RFX6: variants seen among roughly 807,000 people sequenced by gnomAD.
RFX6 encodes the protein DNA-binding protein RFX6.
A neutral mutation model predicts 110.8 loss-of-function variants in RFX6; 50 were observed. The ratio of observed to expected loss-of-function variants is 0.45; its 90% confidence interval spans 0.36 to 0.57. RFX6 has a LOEUF of 0.57. Ranked by LOEUF, RFX6 falls within the 20% of genes least tolerant of loss-of-function variation. RFX6 has a pLI of 0.00. For missense variants in RFX6, 990 were observed against 1,127.0 expected (o/e 0.88, Z 1.74); for synonymous variants, 383 against 411.2 (o/e 0.93, Z 0.83).
intron 1 of RFX6, 108 bp from the exon 2 acceptor site, chr6:116,877,688 C>T: frequency 8.9e-7 from 1 of 1,123,354 alleles, no homozygotes. Flanking sequence ...TTCCTCCCCT[C>T]CGCCCCCACC....
chr6:116,931,657 T>C lies in RFX6; in HGVS notation c.*151T>C, dbSNP rs1775888605. On this transcript the variant is annotated 3_prime_UTR_variant, in exon 19 of 19. Coordinates refer to ENST00000332958, the MANE Select transcript of RFX6 (RefSeq NM_173560.4). The stretch of plus-strand genomic sequence containing the variant: ...GTCACTGGTACTATGGACAACTCCA[T>C]AGTGAATGGAGATACTTGCAGAGCT... 4.8e-6 allele frequency: 3 copies of C among 622,594 alleles called. No homozygotes were observed. Among genetic ancestry groups the C allele is most frequent in the East Asian group, 2.8e-5 (1 of 36,354 alleles). The allele number at this position is 622,594 out of a possible 1,614,324, so 38.6% of individuals were successfully genotyped here. A position where few individuals can be genotyped will look rare whatever the true frequency, so the allele number is the denominator to read the frequency against.
intron 4 of RFX6, among the ~76,000 whole-genome samples, chr6:116,887,693 T>G (rs1469072378): frequency 2.6e-5 from 4 of 152,206 alleles, no homozygotes; most frequent in Non-Finnish European, 5.9e-5. Flanking sequence ...GTACAAAGCG[T>G]GATGCTAAAG....
At chr6:116,931,050 G>A (rs1241748266) in intron 18 of RFX6, among the ~76,000 whole-genome samples, 1 of 152,100 alleles carries the variant, frequency 6.6e-6, no homozygotes, top group East Asian at 1.9e-4. Flanking sequence ...AAGTGCAGAT[G>A]GAAAGAGGAG....
intron 18 of RFX6, among the ~76,000 whole-genome samples, chr6:116,929,352 G>C (rs610979): frequency 0.24 from 36,965 of 151,940 alleles, 4,886 homozygotes; most frequent in South Asian, 0.42. Context: ...GTAGTGCCAA[G>C]AGATATCTTT....
intron 6 of RFX6, among the ~76,000 whole-genome samples, chr6:116,906,477 C>G (rs1775204544): frequency 6.6e-6 from 1 of 152,050 alleles, no homozygotes; most frequent in African/African-American, 2.4e-5. Context: ...AATATTAATT[C>G]TTCTAATCCA....
Position 116,925,599 on chromosome 6 carries a change from G to C in RFX6, c.1825G>C (p.Gly609Arg), listed in dbSNP as rs772531389. 1 of 1,614,112 alleles carries C rather than the reference G, an allele frequency of 6.2e-7. No individual in the cohort carries two copies. Among genetic ancestry groups the C allele is most frequent in the Non-Finnish European group, 8.5e-7 (1 of 1,179,962 alleles). Residue 609 changes from glycine (G) to arginine (R), a missense_variant, in exon 16 of 19, where the codon GGC (glycine) becomes CGC (arginine). Around this residue, in one of 5 missense-constraint regions of RFX6, gnomAD observed 438 missense variants for 441.9 expected, o/e 0.99. Transcript: ENST00000332958. Reference protein sequence around the residue: ...YLPLPSSQPGGLGPALHQFPA... With the variant: ...YLPLPSSQPGRLGPALHQFPA... ...CCCTCTGCCATCCAGTCAACCTGGA[G>C]GCCTAGGCCCTGCTCTGCACCAGTT... is the stretch of plus-strand genomic sequence containing the variant.
At chr6:116,888,959 G>T (rs9489058) in intron 4 of RFX6, among the ~76,000 whole-genome samples, 3,680 of 152,148 alleles carry the variant, frequency 0.024, 143 homozygotes, top group African/African-American at 0.084. Flanking sequence ...TGTTCTCAGA[G>T]ACTCTAAATC....
rs1325886876 is a variant in RFX6, at chr6:116,925,613, T to G, written c.1839T>G (p.Ala613=). The stretch of plus-strand genomic sequence containing the variant: ...GTCAACCTGGAGGCCTAGGCCCTGC[T>G]CTGCACCAGTTCCCTGCTGGGAACA... ...PSSQPGGLGP[A]LHQFPAGNTD... is the part of the protein sequence containing the mutation. Residue 613 remains alanine, a synonymous_variant, in exon 16 of 19, where the codon GCT becomes GCG. Transcript: ENST00000332958. 1.9e-6 allele frequency: 3 copies of G among 1,613,968 alleles called. No individual in the cohort carries two copies. The highest frequency in any genetic ancestry group is 2.5e-6 in the Non-Finnish European group (3 of 1,179,944).
At chr6:116,883,353 T>C (rs1774632626) in intron 4 of RFX6, among the ~76,000 whole-genome samples, 1 of 152,120 alleles carries the variant, frequency 6.6e-6, no homozygotes, top group African/African-American at 2.4e-5. Flanking sequence ...TAGGCCCTCT[T>C]CCCTCTTCTA....
chr6:116,923,610 A>C (rs985737562), intron 14 of RFX6: 2 of 212,112 alleles, frequency 9.4e-6, no homozygotes, highest in Admixed American at 1.1e-4. Context: ...TTGTTAAACA[A>C]ATGATAATTA....
intron 2 of RFX6, among the ~76,000 whole-genome samples, chr6:116,880,032 A>G (rs1774553563): frequency 6.6e-6 from 1 of 152,080 alleles, no homozygotes. Flanking sequence ...TTTCAGACTT[A>G]AGTAAAATGA....
At position 116,931,463 on chromosome 6, in the gene RFX6, C is replaced by T. The variant is rs1775883231; in HGVS notation, c.2744C>T (p.Pro915Leu). 5 of 1,613,522 alleles carry T rather than the reference C, an allele frequency of 3.1e-6. No homozygotes were observed. In the East Asian group the frequency reaches 1.1e-4, roughly 36 times the overall value. ...AGAGAAATGGTGTCCTCTTTACCACCTATCAACACTGTGTTCATGGGAACA... is the reference window on the plus strand; with the variant it reads ...AGAGAAATGGTGTCCTCTTTACCACTTATCAACACTGTGTTCATGGGAACA... ...SSREMVSSLP[P>L]INTVFMGTAA... Residue 915 changes from proline (P) to leucine (L), a missense_variant, in exon 19 of 19, where the codon CCT becomes CTT. This residue lies in a region of RFX6 where 438 missense variants were observed against 441.9 expected (regional missense o/e 0.99). Transcript: ENST00000332958.
chr6:116,878,166 C>T (rs1279837073), intron 2 of RFX6, among the ~76,000 whole-genome samples: 1 of 152,138 alleles, frequency 6.6e-6, no homozygotes, highest in African/African-American at 2.4e-5. Context: ...CAAATGAAAA[C>T]CACATTACGT....
At chr6:116,915,745 C>G (rs1346685305) in intron 7 of RFX6, among the ~76,000 whole-genome samples, 5 of 151,756 alleles carry the variant, frequency 3.3e-5, no homozygotes, top group African/African-American at 1.2e-4. Context: ...AGGCATAAAA[C>G]TAGGATGTTA....
intron 6 of RFX6, among the ~76,000 whole-genome samples, chr6:116,903,370 A>G (rs1164116792): frequency 1.3e-5 from 2 of 152,018 alleles, no homozygotes; most frequent in Non-Finnish European, 2.9e-5. Context: ...AAAGTTACAT[A>G]CTTTATTTCT....
chr6:116,915,072 A>G (rs1489256721), intron 7 of RFX6, among the ~76,000 whole-genome samples: 1 of 152,224 alleles, frequency 6.6e-6, no homozygotes, highest in East Asian at 1.9e-4. Context: ...TTTCACGTAG[A>G]GTACATAACT....
chr6:116,892,288 T>TG (rs913620550), intron 4 of RFX6, among the ~76,000 whole-genome samples: 4 of 152,186 alleles, frequency 2.6e-5, no homozygotes, highest in South Asian at 2.1e-4. Flanking sequence ...CCTCCCACTT[T>TG]GGGGGGCTCA....
intron 12 of RFX6, among the ~76,000 whole-genome samples, chr6:116,921,501 A>G (rs535160061): frequency 6.6e-6 from 1 of 152,320 alleles, no homozygotes; most frequent in African/African-American, 2.4e-5. Flanking sequence ...GTATGTGAAT[A>G]CACATATAAG....
At chr6:116,929,626 T>C (rs1704450387) in intron 18 of RFX6, among the ~76,000 whole-genome samples, 1 of 152,208 alleles carries the variant, frequency 6.6e-6, no homozygotes, top group African/African-American at 2.4e-5. Context: ...AATTCTGCAA[T>C]AATAATTAGT....
Sources: allele counts gnomAD v4.1 joint callset (sites outside exome capture counted in the v4.1 genomes callset), GRCh38; gene constraint gnomAD v4.1.1; regional missense constraint gnomAD v4.1.1; transcripts MANE v1.5; gene names NCBI Gene and HGNC (gene_info 2026-07-23, HGNC 2026-07-21).